Variants in FHIP1B observed in about 807,000 individuals in gnomAD.
FHIP1B encodes the protein FHF complex subunit HOOK interacting protein 1B.
A neutral mutation model predicts 82.2 loss-of-function variants in FHIP1B; 28 were observed. That is an observed-to-expected ratio of 0.34 (90% CI 0.25 to 0.47). FHIP1B has a LOEUF of 0.47. Among genes scored for constraint, FHIP1B ranks in the 20% least tolerant of loss-of-function variants. The pLI is 1.00. For synonymous variants in FHIP1B, 585 were observed against 516.1 expected, an observed-to-expected ratio of 1.13 and a Z score of -1.81; for missense variants, 1,110 against 1,262.6, an observed-to-expected ratio of 0.88 and a Z score of 1.83.
In FHIP1B at chr11:6,223,026, C is replaced by A. The variant is rs1025799721; in HGVS notation, c.936+54G>T. On this transcript the variant is annotated intron_variant, in intron 4 of 11. Coordinates refer to ENST00000449352, the MANE Select transcript of FHIP1B (RefSeq NM_001098794.2). The surrounding 1 kb of genome is among the most constrained non-coding windows in gnomAD (Gnocchi z 4.8). The stretch of plus-strand genomic sequence containing the variant: ...AAATGACAGAACTCCAGGGAATATA[C>A]CCCCTCCTACCTAATCTCCCAAAAA... 40 of 1,573,032 alleles carry A rather than the reference C, an allele frequency of 2.5e-5. No individual in the cohort carries two copies. The highest frequency in any genetic ancestry group is 3.6e-5 in the Admixed American group (2 of 54,896).
At chr11:6,214,127 G>A (rs999493795) in intron 11 of FHIP1B, among the ~76,000 whole-genome samples, 3 of 145,764 alleles carry the variant, frequency 2.1e-5, no homozygotes, top group Non-Finnish European at 4.5e-5. Flanking sequence ...CAAATGTCAT[G>A]TCCTTTACTA....
Position 6,218,589 on chromosome 11 carries a change from G to A in FHIP1B, c.1435+11C>T. 6.2e-7 allele frequency: 1 copy of A among 1,613,996 alleles called. No individual in the cohort carries two copies. ...TGTCCTCCCTTCTCCCTGTCTCTCT[G>A]CTAGGCCCACCTCGTGCCCATGAGG... On this transcript the variant is annotated intron_variant, in intron 8 of 11. Transcript: ENST00000449352.
In FHIP1B at chr11:6,211,669, A is replaced by G; in HGVS notation, c.2756T>C (p.Leu919Pro). Residue 919 changes from leucine (L) to proline (P), a missense_variant, in exon 12 of 12, where the codon CTT becomes CCT. Leu to Pro is a moderately conservative substitution (Grantham distance 98, BLOSUM62 -3). This residue lies in a region of FHIP1B where 147 missense variants were observed against 154.0 expected (regional missense o/e 0.95). Transcript: ENST00000449352. ...ACAGTAGACAGCATTCTTGACTCGA[A>G]GAGCCTCACCTTGGCGTTCAGGGGC... is the stretch of plus-strand genomic sequence containing the variant. ...GGAPERQGEALRVKNAVYCAV... is the reference protein window; with the variant it reads ...GGAPERQGEAPRVKNAVYCAV... The G allele has an allele frequency of 6.2e-7, 1 of 1,614,232 alleles. No homozygotes were observed.
chr11:6,217,734 C>G lies in FHIP1B; in HGVS notation c.1852G>C (p.Gly618Arg). The change falls in exon 9 of 12, where the codon GGG (glycine) becomes CGG (arginine). Residue 618 changes from glycine to arginine, a missense_variant. This residue lies in a region of FHIP1B where 418 missense variants were observed against 371.4 expected (regional missense o/e 1.13). Transcript: ENST00000449352. ...EGEEEELGRRGRAGGAGEGPG... is the reference protein window; with the variant it reads ...EGEEEELGRRRRAGGAGEGPG... ...CCCTCCCCTGCACCCCCAGCCCGCC[C>G]CCTCCTCCCCAGCTCTTCCTCCTCC... 6.2e-7 allele frequency: 1 copy of G among 1,605,322 alleles called. No homozygotes were observed. The highest frequency in any genetic ancestry group is 8.5e-7 in the Non-Finnish European group (1 of 1,175,512).
intron 1 of FHIP1B, among the ~76,000 whole-genome samples, chr11:6,231,301 T>C (rs1041948302): frequency 6.6e-6 from 1 of 151,830 alleles, no homozygotes; most frequent in Non-Finnish European, 1.5e-5. Context: ...AGATAGGGGA[T>C]ATGAGGGCAA....
intron 1 of FHIP1B, among the ~76,000 whole-genome samples, chr11:6,227,186 T>C (rs1277311979): frequency 6.6e-6 from 1 of 152,232 alleles, no homozygotes; most frequent in Non-Finnish European, 1.5e-5. Flanking sequence ...ACAGCAAACA[T>C]ATATTTACTA....
intron 9 of FHIP1B, 189 bp downstream of exon 9, chr11:6,217,182 A>G: frequency 4.2e-6 from 3 of 710,096 alleles, no homozygotes; most frequent in Non-Finnish European, 7.7e-6. Flanking sequence ...CAAGCATGGA[A>G]GACGTACAGA....
intron 10 of FHIP1B, 66 bp downstream of exon 10, chr11:6,214,667 C>G: frequency 6.5e-7 from 1 of 1,547,692 alleles, no homozygotes; most frequent in Non-Finnish European, 8.7e-7. Context: ...CACCCAGGGT[C>G]ACTCCAGCTG....
Position 6,211,594 on chromosome 11 carries a change from G to A in FHIP1B, c.2831C>T (p.Ala944Val). 2.5e-6 allele frequency: 4 copies of A among 1,614,234 alleles called. No homozygotes were observed. The highest frequency in any genetic ancestry group is 2.5e-6 in the Non-Finnish European group (3 of 1,180,038). ...FLKELAAISQ[A>V]HAVTSPFLLE... Reference sequence around the variant, plus strand: ...CAAGAAAGGCGAGGTGACGGCATGAGCCTGGGAGATGGCAGCCAACTCCTT... The same window carrying A: ...CAAGAAAGGCGAGGTGACGGCATGAACCTGGGAGATGGCAGCCAACTCCTT... Residue 944 changes from alanine (A) to valine (V), a missense_variant, in exon 12 of 12, where the codon GCT becomes GTT. Ala to Val is a moderately conservative substitution (Grantham distance 64). Transcript: ENST00000449352.
intron 1 of FHIP1B, among the ~76,000 whole-genome samples, chr11:6,226,843 A>C (rs918160378): frequency 6.6e-6 from 1 of 152,244 alleles, no homozygotes; most frequent in African/African-American, 2.4e-5. Flanking sequence ...ATTGTCCTTC[A>C]AAAATACATC....
At chr11:6,215,868 T>C (rs1847212785) in intron 9 of FHIP1B, among the ~76,000 whole-genome samples, 1 of 152,084 alleles carries the variant, frequency 6.6e-6, no homozygotes, top group South Asian at 2.1e-4. Context: ...GACAGGAGAA[T>C]GATGGAGGGC....
chr11:6,222,540 C>A lies in FHIP1B; in HGVS notation c.1093G>T (p.Ala365Ser). 1.9e-6 allele frequency: 3 copies of A among 1,614,116 alleles called. No homozygotes were observed. Among genetic ancestry groups the A allele is most frequent in the Non-Finnish European group, 2.5e-6 (3 of 1,180,010 alleles). ...ELFLRSISEP[A>S]LLRTFLRFLL... is the part of the protein sequence containing the mutation. ...AATCGCAGGAAGGTACGGAGCAAAGCAGGCTCTGAGATACTCCGTAGGAAA... is the reference window on the plus strand; with the variant it reads ...AATCGCAGGAAGGTACGGAGCAAAGAAGGCTCTGAGATACTCCGTAGGAAA... Residue 365 changes from alanine (A) to serine (S), a missense_variant, in exon 6 of 12, where the codon GCT becomes TCT. This residue lies in a region of FHIP1B where 467 missense variants were observed against 602.9 expected (regional missense o/e 0.77). Transcript: ENST00000449352.
chr11:6,216,373 C>T (rs1474239222), intron 9 of FHIP1B, among the ~76,000 whole-genome samples: 1 of 152,190 alleles, frequency 6.6e-6, no homozygotes, highest in Non-Finnish European at 1.5e-5. Context: ...GCTATGTACC[C>T]AGAGATCCTA....
intron 9 of FHIP1B, among the ~76,000 whole-genome samples, chr11:6,215,808 AT>A (rs1051933391): frequency 2.0e-5 from 3 of 152,144 alleles, no homozygotes; most frequent in Non-Finnish European, 2.9e-5. Flanking sequence ...CTGATTAGGG[AT>A]TTTTTTGGGG....
At position 6,218,010 on chromosome 11, in the gene FHIP1B, G is replaced by A; in HGVS notation, c.1576C>T (p.Leu526Phe). ...GGGCTGGAGGCGGGGGATGCAGAAAGCCCTGGTGAGCAAGGGGCTGGGCCT... is the reference window on the plus strand; with the variant it reads ...GGGCTGGAGGCGGGGGATGCAGAAAACCCTGGTGAGCAAGGGGCTGGGCCT... ...SPGPAPCSPG[L>F]SASPASSPGR... The change falls in exon 9 of 12, where the codon CTT (leucine) becomes TTT (phenylalanine). Residue 526 changes from leucine to phenylalanine, a missense_variant. Around this residue, in one of 6 missense-constraint regions of FHIP1B, gnomAD observed 418 missense variants for 371.4 expected, o/e 1.13. Coordinates refer to ENST00000449352, the MANE Select transcript of FHIP1B (RefSeq NM_001098794.2). The A allele has an allele frequency of 6.2e-7, 1 of 1,613,594 alleles. No homozygotes were observed. The highest frequency in any genetic ancestry group is 8.5e-7 in the Non-Finnish European group (1 of 1,179,900).
chr11:6,214,838 C>G lies in FHIP1B; in HGVS notation c.2289G>C (p.Leu763=). ...LQNSVYVNFL[L]TGLVAQLACH... is the part of the protein sequence containing the mutation. ...AGGCCAGCTGGGCCACCAGCCCCGT[C>G]AGCAGGAAGTTGACATAGACGGAGT... The change falls in exon 10 of 12, where the codon CTG becomes CTC. Residue 763 remains leucine, a synonymous_variant. Coordinates refer to ENST00000449352, the MANE Select transcript of FHIP1B (RefSeq NM_001098794.2). 6.2e-7 allele frequency: 1 copy of G among 1,612,344 alleles called. No individual in the cohort carries two copies.
In FHIP1B at chr11:6,211,388, A is replaced by G; in HGVS notation, c.*118T>C. On this transcript the variant is annotated 3_prime_UTR_variant, in exon 12 of 12. Coordinates refer to ENST00000449352, the MANE Select transcript of FHIP1B (RefSeq NM_001098794.2). Reference sequence around the variant, plus strand: ...ACATATTGCAACAAGTTCTCCATAAAACATTCATCTGAAATAAATTAAAAA... The same window carrying G: ...ACATATTGCAACAAGTTCTCCATAAGACATTCATCTGAAATAAATTAAAAA... 7.8e-7 allele frequency: 1 copy of G among 1,290,078 alleles called. No homozygotes were observed. Among genetic ancestry groups the G allele is most frequent in the Non-Finnish European group, 1.1e-6 (1 of 945,328 alleles). 79.9% of individuals were successfully genotyped at this position (1,290,078 alleles called of 1,614,324 possible).
intron 1 of FHIP1B, among the ~76,000 whole-genome samples, chr11:6,230,808 A>G (rs1313323743): frequency 6.6e-6 from 1 of 152,272 alleles, no homozygotes; most frequent in Non-Finnish European, 1.5e-5. Context: ...AAGAAAAGGC[A>G]TTCCTAGTAG....
chr11:6,220,215 C>G (rs1198919019), intron 6 of FHIP1B, among the ~76,000 whole-genome samples: 4 of 152,282 alleles, frequency 2.6e-5, no homozygotes, highest in East Asian at 1.9e-4. Context: ...GCCAAGGAAT[C>G]TGGTTGCTCT....
Sources: gnomAD v4.1 joint callset for allele counts (sites outside exome capture counted in the v4.1 genomes callset) on GRCh38, gnomAD v4.1.1 for gene constraint, gnomAD v4.1.1 regional missense constraint, Gnocchi (gnomAD v3.1) non-coding constraint, MANE v1.5 for transcripts, NCBI Gene and HGNC (gene_info 2026-07-23, HGNC 2026-07-21) for gene names.